Variants in PHLDB2 observed in about 807,000 individuals in gnomAD.
PHLDB2 encodes pleckstrin homology-like domain family B member 2.
A neutral mutation model predicts 123.6 loss-of-function variants in PHLDB2; 71 were observed. That is an observed-to-expected ratio of 0.57 (90% CI 0.47 to 0.70). The LOEUF is 0.70. PHLDB2 is among the 30% of genes least tolerant of loss of function. The pLI, the probability that PHLDB2 is intolerant of heterozygous loss-of-function variation, is 0.00. For missense variants in PHLDB2, 1,446 were observed against 1,519.5 expected, an observed-to-expected ratio of 0.95 and a Z score of 0.80; for synonymous variants, 547 against 541.6, an observed-to-expected ratio of 1.01 and a Z score of -0.14.
chr3:111,776,934 C>T (rs775464532), intron 1 of PHLDB2, among the ~76,000 whole-genome samples: 1 of 152,052 alleles, frequency 6.6e-6, no homozygotes, highest in Non-Finnish European at 1.5e-5. Flanking sequence ...CTCTAAGGAG[C>T]TTACAGTCAA....
chr3:111,825,870 A>C (rs932302435), intron 1 of PHLDB2, among the ~76,000 whole-genome samples: 3 of 152,210 alleles, frequency 2.0e-5, no homozygotes, highest in African/African-American at 7.2e-5. Context: ...AAGAAAAATA[A>C]GGTTGAAATA....
intron 1 of PHLDB2, among the ~76,000 whole-genome samples, chr3:111,863,606 G>C (rs2064936763): frequency 6.6e-6 from 1 of 152,194 alleles, no homozygotes. Flanking sequence ...CCTCTTATCT[G>C]AATCTTTTCC....
intron 1 of PHLDB2, among the ~76,000 whole-genome samples, chr3:111,790,002 G>C (rs6438012): frequency 6.6e-6 from 1 of 151,946 alleles, no homozygotes; most frequent in Non-Finnish European, 1.5e-5. Context: ...TCATACCACA[G>C]CCAGTGCTAT....
rs922978048 is a variant in PHLDB2, at chr3:111,819,476, G to A, written c.-48-26345G>A. ...TTCTGCATCTTTAATTCATGGCAAA[G>A]CCAGAGATATCTGACTACACTGATT... On this transcript the variant is annotated intron_variant, in intron 1 of 17. Coordinates refer to the PHLDB2 transcript ENST00000393923. 4.6e-5 allele frequency among the ~76,000 whole-genome samples: 7 copies of A among 152,296 alleles called. No individual in the cohort carries two copies. In the East Asian group the frequency reaches 7.7e-4, roughly 17 times the overall value.
At chr3:111,855,430 T>C (rs139936775), upstream of PHLDB2, among the ~76,000 whole-genome samples, 102 of 151,856 alleles carry the variant, frequency 6.7e-4, no homozygotes, top group African/African-American at 2.4e-3. Context: ...CCTTTCTTTC[T>C]TTCTCTCTCT....
At chr3:111,958,221 C>T in intron 12 of PHLDB2, 1 of 968,732 alleles carries the variant, frequency 1.0e-6, no homozygotes, top group Non-Finnish European at 1.2e-6. Context: ...CATTCTCCCT[C>T]TTCATTCCTG....
chr3:111,926,456 A>C (rs1180082708), intron 5 of PHLDB2, among the ~76,000 whole-genome samples: 1 of 152,142 alleles, frequency 6.6e-6, no homozygotes, highest in East Asian at 1.9e-4. Flanking sequence ...TTACATTTCA[A>C]AGTTGGCTCC....
chr3:111,936,619 G>A (rs1398172313), intron 6 of PHLDB2, among the ~76,000 whole-genome samples: 16 of 152,236 alleles, frequency 1.1e-4, no homozygotes, highest in Non-Finnish European at 1.6e-4. Flanking sequence ...TCATGCAGTG[G>A]TTTAAGTATT....
chr3:111,832,656 C>T (rs62280075), intron 1 of PHLDB2, among the ~76,000 whole-genome samples: 74,938 of 76,928 alleles, frequency 0.97, 36,523 homozygotes, highest in Non-Finnish European at 0.98. Flanking sequence ...TGCCATTATA[C>T]ATATAATATA....
At chr3:111,920,685 G>A (rs932436953) in intron 5 of PHLDB2, among the ~76,000 whole-genome samples, 2 of 152,148 alleles carry the variant, frequency 1.3e-5, no homozygotes, top group African/African-American at 4.8e-5. Flanking sequence ...AGATGAGTGC[G>A]TTGTTTGTTT....
chr3:111,902,789 C>T (rs2067272278), intron 2 of PHLDB2, among the ~76,000 whole-genome samples: 1 of 152,166 alleles, frequency 6.6e-6, no homozygotes. Flanking sequence ...CAGGCGTGAG[C>T]CACCATGCTC....
At chr3:111,953,876 A>C in intron 11 of PHLDB2, 54 bp from the exon 12 acceptor site, 1 of 1,405,666 alleles carries the variant, frequency 7.1e-7, no homozygotes, top group Non-Finnish European at 1.0e-6. Context: ...GCCATTTCCT[A>C]AAGGTCCATT....
At chr3:111,954,995 G>A (rs1051171267) in intron 12 of PHLDB2, among the ~76,000 whole-genome samples, 1 of 151,886 alleles carries the variant, frequency 6.6e-6, no homozygotes, top group Non-Finnish European at 1.5e-5. Context: ...TCTGCCAATG[G>A]TACTGAGAGA....
At chr3:111,734,662 C>T (rs1201954802) in intron 1 of PHLDB2, among the ~76,000 whole-genome samples, 1 of 152,124 alleles carries the variant, frequency 6.6e-6, no homozygotes, top group Non-Finnish European at 1.5e-5. Context: ...CATTGTTTTT[C>T]AACGTTAGGT....
At chr3:111,937,648 C>T (rs1008616896) in intron 6 of PHLDB2, among the ~76,000 whole-genome samples, 1 of 151,852 alleles carries the variant, frequency 6.6e-6, no homozygotes, top group African/African-American at 2.4e-5. Flanking sequence ...TGGTGGTGTG[C>T]ACCTGTAGTC....
intron 1 of PHLDB2, among the ~76,000 whole-genome samples, chr3:111,780,123 C>A (rs953977621): frequency 6.6e-6 from 1 of 151,048 alleles, no homozygotes; most frequent in Non-Finnish European, 1.5e-5. Context: ...AATGCCCCCA[C>A]CAAAACTCAT....
rs2072477072 is a variant in PHLDB2, at chr3:111,976,342, A to G, written c.*1779A>G. The stretch of plus-strand genomic sequence containing the variant: ...TTAATCGCAAATGACAGTTGTAGAA[A>G]CTATGTAAAGTTTGTTGTGTGCTAA... On this transcript the variant is annotated 3_prime_UTR_variant, in exon 18 of 18. Coordinates refer to ENST00000431670, the MANE Select transcript of PHLDB2 (RefSeq NM_001134438.2). The G allele has an allele frequency of 6.6e-6, 1 of 152,236 alleles. No individual in the cohort carries two copies. The highest frequency in any genetic ancestry group is 1.5e-5 in the Non-Finnish European group (1 of 68,044). 9.4% of individuals were successfully genotyped at this position (152,236 alleles called of 1,614,324 possible).
At chr3:111,966,814 C>T in intron 14 of PHLDB2, 111 bp downstream of exon 14, 1 of 743,710 alleles carries the variant, frequency 1.3e-6, no homozygotes, top group South Asian at 1.9e-5. Flanking sequence ...TGGAATAAAT[C>T]ACTCAACCTT....
intron 1 of PHLDB2, among the ~76,000 whole-genome samples, chr3:111,830,992 A>AGAAAGAAAGAAC (rs2062974990): frequency 2.5e-5 from 2 of 79,664 alleles, no homozygotes; most frequent in Non-Finnish European, 4.6e-5. Flanking sequence ...AAAGAAAGAA[A>AGAAAGAAAGAAC]GAAAGAAAGA....
Sources: allele counts gnomAD v4.1 joint callset (sites outside exome capture counted in the v4.1 genomes callset), GRCh38; gene constraint gnomAD v4.1.1; transcripts MANE v1.5; gene names NCBI Gene and HGNC (gene_info 2026-07-23, HGNC 2026-07-21).